ROBO2: variants seen among roughly 807,000 people sequenced by gnomAD.
ROBO2 encodes the protein roundabout guidance receptor 2.
A neutral mutation model predicts 160.8 loss-of-function variants in ROBO2; 53 were observed. The ratio of observed to expected loss-of-function variants is 0.33; its 90% CI spans 0.26 to 0.41. ROBO2 has a LOEUF of 0.41. Ranked by LOEUF, ROBO2 falls within the 10% of genes least tolerant of loss-of-function variation. The pLI is 1.00. For missense variants in ROBO2, 1,577 were observed against 1,722.4 expected (o/e 0.92, Z 1.49); for synonymous variants, 664 against 611.7 (o/e 1.09, Z -1.26).
At chr3:76,564,301 G>A (rs753430947) in intron 2 of ROBO2, among the ~76,000 whole-genome samples, 2 of 152,280 alleles carry the variant, frequency 1.3e-5, no homozygotes, top group South Asian at 2.1e-4. Context: ...CTGGTGTTTA[G>A]TTTGTATTGA....
chr3:77,196,910 G>A (rs921698473), intron 2 of ROBO2, among the ~76,000 whole-genome samples: 2 of 150,926 alleles, frequency 1.3e-5, no homozygotes, highest in African/African-American at 2.4e-5. Context: ...ATCAAAAAAG[G>A]GCAAAATATG....
At chr3:77,602,648 TACCACCACCACCGCCACC>T (rs1334071458) in intron 20 of ROBO2, 157 bp downstream of exon 21, 24 of 866,076 alleles carry the variant, frequency 2.8e-5, no homozygotes, top group Admixed American at 4.2e-5. Context: ...GAGTAATTCC[TACCACCACCACCGCCACC>T]ACCACCACCA....
At chr3:77,554,610 G>T (rs779391025) in intron 8 of ROBO2, among the ~76,000 whole-genome samples, 5 of 151,954 alleles carry the variant, frequency 3.3e-5, no homozygotes, top group Non-Finnish European at 7.4e-5. Flanking sequence ...GGATGACTTT[G>T]AGGGGGTTCC....
At chr3:77,354,429 ATG>A in intron 2 of ROBO2, among the ~76,000 whole-genome samples, 1 of 9,096 alleles carries the variant, frequency 1.1e-4, no homozygotes, top group Non-Finnish European at 7.8e-4. Flanking sequence ...ATTTCGCGGC[ATG>A]AATTTGCATC....
At chr3:76,100,334 A>G (rs1559552382) in intron 2 of ROBO2, among the ~76,000 whole-genome samples, 1 of 152,230 alleles carries the variant, frequency 6.6e-6, no homozygotes, top group Non-Finnish European at 1.5e-5. Flanking sequence ...CATTCTTTCC[A>G]TAAAAGAGTC....
intron 2 of ROBO2, among the ~76,000 whole-genome samples, chr3:76,935,004 G>A (rs1317068795): frequency 6.8e-6 from 1 of 146,594 alleles, no homozygotes; most frequent in African/African-American, 2.5e-5. Context: ...CCAGGCTGGA[G>A]TTCAGTGGTC....
At chr3:76,973,096 C>T (rs1428886786) in intron 2 of ROBO2, among the ~76,000 whole-genome samples, 4 of 152,166 alleles carry the variant, frequency 2.6e-5, no homozygotes, top group Non-Finnish European at 5.9e-5. Flanking sequence ...ACCCAAGGGG[C>T]CTACGTAAAC....
chr3:77,032,375 C>A (rs555972052), intron 2 of ROBO2, among the ~76,000 whole-genome samples: 11 of 152,074 alleles, frequency 7.2e-5, no homozygotes, highest in Non-Finnish European at 1.6e-4. Flanking sequence ...GAGGCTAAAC[C>A]ACCTTCATAT....
chr3:76,049,403 A>T (rs78323676), intron 2 of ROBO2, among the ~76,000 whole-genome samples: 8,322 of 53,450 alleles, frequency 0.16, 1,102 homozygotes, highest in East Asian at 0.25. Context: ...ATATATATAT[A>T]TTTTTTTTTT....
chr3:76,061,588 G>A (rs2068071109), intron 2 of ROBO2, among the ~76,000 whole-genome samples: 1 of 152,158 alleles, frequency 6.6e-6, no homozygotes, highest in African/African-American at 2.4e-5. Flanking sequence ...TTATCTAGAT[G>A]AACCTGTTTA....
chr3:77,151,518 T>A (rs952653923), intron 2 of ROBO2, among the ~76,000 whole-genome samples: 1 of 152,132 alleles, frequency 6.6e-6, no homozygotes, highest in African/African-American at 2.4e-5. Flanking sequence ...GCTTTGTGAA[T>A]CTTCTCTTTT....
intron 21 of ROBO2, among the ~76,000 whole-genome samples, chr3:77,615,140 C>T (rs1043673224): frequency 2.6e-5 from 4 of 152,080 alleles, no homozygotes; most frequent in African/African-American, 7.2e-5. Context: ...AGATTCAGGA[C>T]CCTGACACAT....
chr3:76,239,951 C>T (rs2107510190), intron 2 of ROBO2, among the ~76,000 whole-genome samples: 1 of 152,024 alleles, frequency 6.6e-6, no homozygotes, highest in South Asian at 2.1e-4. Flanking sequence ...GCTTTGCAGG[C>T]ACGTTGGGAG....
chr3:76,963,870 TAAAAAGAAAAAG>T (rs552745492), intron 2 of ROBO2, among the ~76,000 whole-genome samples: 2 of 133,952 alleles, frequency 1.5e-5, no homozygotes, highest in South Asian at 2.4e-4. Context: ...AAAAAAGAAA[TAAAAAGAAAAAG>T]AAAAAGAAAA....
chr3:77,025,464 C>T (rs1425332887), intron 2 of ROBO2, among the ~76,000 whole-genome samples: 1 of 152,162 alleles, frequency 6.6e-6, no homozygotes, highest in East Asian at 1.9e-4. Flanking sequence ...AACTAATGTC[C>T]TGCAGTGACT....
chr3:76,936,769 T>A (rs2077729587), intron 2 of ROBO2, among the ~76,000 whole-genome samples: 1 of 91,052 alleles, frequency 1.1e-5, no homozygotes, highest in African/African-American at 4.7e-5. Context: ...GACTACAGAG[T>A]AATTGCATTT....
chr3:77,577,464 A>G (rs764826598), intron 14 of ROBO2, 26 bp from the exon 16 acceptor site: 7 of 1,612,924 alleles, frequency 4.3e-6, no homozygotes, highest in Non-Finnish European at 5.9e-6. Context: ...TATAGTTTGC[A>G]TTTATTCTAA....
intron 2 of ROBO2, among the ~76,000 whole-genome samples, chr3:76,098,516 A>C (rs1025936170): frequency 1.3e-5 from 2 of 151,678 alleles, no homozygotes; most frequent in Non-Finnish European, 2.9e-5. Context: ...ACTTACATAG[A>C]TCTATACTAT....
At chr3:77,277,273 T>C (rs1275503224) in intron 2 of ROBO2, among the ~76,000 whole-genome samples, 1 of 149,394 alleles carries the variant, frequency 6.7e-6, no homozygotes, top group Non-Finnish European at 1.5e-5. Flanking sequence ...GTCTTTCTTT[T>C]AGAGTTCATT....
Sources: gnomAD v4.1 joint callset for allele counts (sites outside exome capture counted in the v4.1 genomes callset) on GRCh38, gnomAD v4.1.1 for gene constraint, MANE v1.5 for transcripts, NCBI Gene and HGNC (gene_info 2026-07-23, HGNC 2026-07-21) for gene names.